The following TTN variants were observed in gnomAD, a reference collection of about 807,000 sequenced individuals.
TTN encodes titin, also known as connectin.
In TTN, 1,525 loss-of-function variants were observed where a neutral mutation model predicts 3,223.0. That is an observed-to-expected ratio of 0.47 (90% CI 0.45 to 0.49). The LOEUF is 0.49. TTN is among the 20% of genes least tolerant of loss of function. The pLI, the probability that TTN is intolerant of heterozygous loss-of-function variation, is 0.00. For missense variants in TTN, 40,786 were observed against 43,424.0 expected (o/e 0.94, Z 5.40); for synonymous variants, 14,094 against 15,161.0 (o/e 0.93, Z 5.17).
intron 20 of TTN, 118 bp downstream of exon 20, chr2:178,782,094 A>T (rs1328449012): frequency 8.3e-7 from 1 of 1,200,238 alleles, no homozygotes; most frequent in African/African-American, 1.5e-5. Context: ...ACAAACTAAG[A>T]AGGCTCCACA....
At position 178,539,679 on chromosome 2, in the gene TTN, G is replaced by C. The variant is rs1693423139; in HGVS notation, c.98386C>G (p.Pro32796Ala). The change falls in exon 352 of 363, where the codon CCC (proline) becomes GCC (alanine). Residue 32796 changes from proline (P) to alanine (A), a missense_variant. By Grantham distance (27) the Pro-to-Ala change is conservative (BLOSUM62 -1). Coordinates refer to ENST00000589042, the MANE Select transcript of TTN (RefSeq NM_001267550.2). ...VYIKVRVIGS[P>A]NSPEGPLEYD... ...TCCAGTGGCCCTTCTGGACTGTTGG[G>C]ACTTCCTATCACCCTGACCTTGATG... 1 of 1,613,620 alleles carries C rather than the reference G, an allele frequency of 6.2e-7. No homozygotes were observed.
chr2:178,621,385 A>T lies in TTN; in HGVS notation c.45350-17T>A, dbSNP rs545355534. On this transcript the variant is annotated splice_polypyrimidine_tract_variant and intron_variant, in intron 245 of 362. Coordinates refer to ENST00000589042, the MANE Select transcript of TTN (RefSeq NM_001267550.2). ...CAGCCAGTTCTGGGAAGAAAAAGTTACAAGATATTAGAAACATATGTCTTT... is the reference window on the plus strand; with the variant it reads ...CAGCCAGTTCTGGGAAGAAAAAGTTTCAAGATATTAGAAACATATGTCTTT... 2.5e-6 allele frequency: 4 copies of T among 1,606,708 alleles called. No homozygotes were observed. In the East Asian group the frequency reaches 9.0e-5, roughly 36 times the overall value.
rs1553781387 is a variant in TTN, at chr2:178,658,759, C to T, written c.37489G>A (p.Glu12497Lys). 1 of 1,582,602 alleles carries T rather than the reference C, an allele frequency of 6.3e-7. No individual in the cohort carries two copies. Among genetic ancestry groups the T allele is most frequent in the Non-Finnish European group, 8.6e-7 (1 of 1,158,762 alleles). ...GCAGGAGGCACCGGTACTTTCTTTT[C>T]TGGGACCACTTCCTTCGGTGGCAGC... is the stretch of plus-strand genomic sequence containing the variant. ...EVLPPKEVVP[E>K]KKVPVPPAKK... The change falls in exon 183 of 363, where the codon GAA becomes AAA. Residue 12497 changes from glutamate (E) to lysine (K), a missense_variant. Glu to Lys is a moderately conservative substitution (Grantham distance 56). Coordinates refer to ENST00000589042, the MANE Select transcript of TTN (RefSeq NM_001267550.2).
rs2083623616 is a variant in TTN, at chr2:178,746,576, T to C, written c.11312-4655A>G. ...TGGTAGTGCCACCACTCTTTCTTCC[T>C]GGGGCATTATGTCTACATTTGCAAA... On this transcript the variant is annotated intron_variant, in intron 47 of 362. Coordinates refer to ENST00000589042, the MANE Select transcript of TTN (RefSeq NM_001267550.2). The C allele has an allele frequency of 2.5e-6, 4 of 1,613,264 alleles. No homozygotes were observed. Among genetic ancestry groups the C allele is most frequent in the Non-Finnish European group, 2.5e-6 (3 of 1,179,566 alleles).
In TTN at chr2:178,640,631, C is replaced by T. The variant is rs749062863; in HGVS notation, c.40634-1G>A. The T allele has an allele frequency of 4.5e-6, 7 of 1,568,710 alleles. No homozygotes were observed. The South Asian group carries it at 7.1e-5, about 16-fold the overall frequency. ...GGTTTTGGAGGTGGTGGTTCTGGTA[C>T]TTTAAGATAAGATTATTTTTTCAGT... On this transcript the variant is annotated splice_acceptor_variant, in intron 220 of 362. Coordinates refer to ENST00000589042, the MANE Select transcript of TTN (RefSeq NM_001267550.2). LOFTEE classifies it high-confidence loss of function.
chr2:178,593,612 C>T lies in TTN; in HGVS notation c.58688G>A (p.Ser19563Asn), dbSNP rs759628569. 1.8e-5 allele frequency: 29 copies of T among 1,612,746 alleles called. No individual in the cohort carries two copies. Among genetic ancestry groups the T allele is most frequent in the Non-Finnish European group, 2.2e-5 (26 of 1,179,498 alleles). The part of the protein sequence containing the change: ...RIHAENLYGI[S>N]DPLVSDSMKA... ...CATTGAATCAGACACCAGAGGATCACTTATTCCATACAGATTTTCAGCATG... is the reference window on the plus strand; with the variant it reads ...CATTGAATCAGACACCAGAGGATCATTTATTCCATACAGATTTTCAGCATG... The change falls in exon 298 of 363, where the codon AGT (serine) becomes AAT (asparagine). Residue 19563 changes from serine (S) to asparagine (N), a missense_variant. Ser to Asn is a conservative substitution (Grantham distance 46, BLOSUM62 1). Coordinates refer to ENST00000589042, the MANE Select transcript of TTN (RefSeq NM_001267550.2).
intron 96 of TTN, 83 bp downstream of exon 96, chr2:178,711,861 C>T: frequency 6.8e-7 from 1 of 1,479,046 alleles, no homozygotes; most frequent in Non-Finnish European, 9.0e-7. Flanking sequence ...GAAAGATTTT[C>T]CTAAAAAATA....
chr2:178,612,214 T>C, intron 266 of TTN, 52 bp from the exon 267 acceptor site: 2 of 1,604,518 alleles, frequency 1.2e-6, no homozygotes, highest in Non-Finnish European at 1.7e-6. Flanking sequence ...GGTGATAATC[T>C]CCTGTCACAA....
chr2:178,666,141 C>T (rs2065889817), intron 163 of TTN, among the ~76,000 whole-genome samples: 1 of 151,990 alleles, frequency 6.6e-6, no homozygotes, highest in South Asian at 2.1e-4. Context: ...TTTTTGTATT[C>T]ACACCTCAGG....
chr2:178,651,606 G>C, intron 206 of TTN, 60 bp downstream of exon 206: 1 of 1,611,782 alleles, frequency 6.2e-7, no homozygotes, highest in Non-Finnish European at 8.5e-7. Context: ...AAGCAGAACA[G>C]TAGAATATGA....
intron 1 of TTN, among the ~76,000 whole-genome samples, chr2:178,805,343 CA>C (rs34870064): frequency 0.36 from 32,374 of 89,844 alleles, 3,251 homozygotes; most frequent in Middle Eastern, 0.47. Context: ...GACTCTGTCT[CA>C]AAAAAAAAAA....
rs771533917 is a variant in TTN, at chr2:178,720,631, C to A, written c.23131G>T (p.Val7711Leu). 5 of 1,604,144 alleles carry A rather than the reference C, an allele frequency of 3.1e-6. No individual in the cohort carries two copies. Among genetic ancestry groups the A allele is most frequent in the African/African-American group, 1.3e-5 (1 of 74,400 alleles). ...PPVFTQKPSP[V>L]GALKGSDVIL... is the part of the protein sequence containing the mutation. ...ACATCAGAACCTTTAAGAGCTCCTA[C>A]TGGAGAAGGCTTCTGGGTGAAAACA... Residue 7711 changes from valine to leucine, a missense_variant, in exon 80 of 363, where the codon GTA (valine) becomes TTA (leucine). Transcript: ENST00000589042.
chr2:178,534,588 C>T lies in TTN; in HGVS notation c.102027G>A (p.Leu34009=). 6.2e-7 allele frequency: 1 copy of T among 1,613,868 alleles called. No homozygotes were observed. Among genetic ancestry groups the T allele is most frequent in the Non-Finnish European group, 8.5e-7 (1 of 1,179,808 alleles). ...WSLGTLVYVL[L]SGINPFLAET... is the part of the protein sequence containing the mutation. ...CAGCCAGGAATGGGTTGATACCACT[C>T]AATAGCACATATACCAGTGTTCCAA... Residue 34009 remains leucine (L), a synonymous_variant, in exon 358 of 363, where the codon TTG becomes TTA. Transcript: ENST00000589042.
chr2:178,733,497 G>A lies in TTN; in HGVS notation c.15796C>T (p.Arg5266Ter), dbSNP rs372277017. ...GCTGTCACCTGGATCAGTTCTGCTC[G>A]CTCAATGATTTTGGCAGGTTCTACA... ...IVKEPAKIIE[R>*]AELIQVTAGD... Residue 5266 changes from arginine (R) to a stop codon, truncating the protein, a stop_gained, in exon 54 of 363, where the codon CGA becomes TGA. Transcript: ENST00000589042. LOFTEE classifies it high-confidence loss of function. 7.5e-6 allele frequency: 12 copies of A among 1,610,296 alleles called. No individual in the cohort carries two copies. The highest frequency in any genetic ancestry group is 1.3e-5 in the African/African-American group (1 of 74,716).
chr2:178,740,863 T>G lies in TTN; in HGVS notation c.12370A>C (p.Thr4124Pro). The change falls in exon 48 of 363, where the codon ACT becomes CCT. Residue 4124 changes from threonine to proline, a missense_variant. By Grantham distance (38) the Thr-to-Pro change is conservative (BLOSUM62 -1). Transcript: ENST00000589042. ...LQSILEQDKL[T>P]PESTREFLCI... ...AGAAATTCCCTGGTGCTTTCAGGAG[T>G]GAGCTTGTCTTGCTCCAAAATGGAT... 6.2e-7 allele frequency: 1 copy of G among 1,613,900 alleles called. No homozygotes were observed. Among genetic ancestry groups the G allele is most frequent in the Non-Finnish European group, 8.5e-7 (1 of 1,179,818 alleles).
Position 178,757,651 on chromosome 2 carries a change from T to TA in TTN, c.10568dup (p.Leu3523PhefsTer6). 1 of 1,613,822 alleles carries TA rather than the reference T, an allele frequency of 6.2e-7. No individual in the cohort carries two copies. The highest frequency in any genetic ancestry group is 8.5e-7 in the Non-Finnish European group (1 of 1,179,752). On this transcript the variant is annotated frameshift_variant, in exon 45 of 363. Coordinates refer to ENST00000589042, the MANE Select transcript of TTN (RefSeq NM_001267550.2). LOFTEE classifies it high-confidence loss of function. ...CTGAGTAAGCATCAACTATAAGCAT[T>TA]AAAGCCATGCCTGTGGACTCCTCAA...
chr2:178,603,777 T>C, intron 282 of TTN, 99 bp downstream of exon 282: 2 of 1,161,654 alleles, frequency 1.7e-6, no homozygotes, highest in East Asian at 2.6e-5. Context: ...ATAAATAAAA[T>C]AATTTGGCAT....
At position 178,590,943 on chromosome 2, in the gene TTN, G is replaced by A. The variant is rs555901678; in HGVS notation, c.60782C>T (p.Thr20261Ile). Reference protein sequence around the residue: ...KIGVGPPLDSTPTVAKHKFSP... With the variant: ...KIGVGPPLDSIPTVAKHKFSP... ...AAATTTATGCTTAGCAACAGTAGGT[G>A]TGGAGTCAAGGGGAGGACCAACACC... Residue 20261 changes from threonine (T) to isoleucine (I), a missense_variant, in exon 304 of 363, where the codon ACA becomes ATA. Thr to Ile is a moderately conservative substitution (Grantham distance 89, BLOSUM62 -1). Transcript: ENST00000589042. The A allele has an allele frequency of 1.7e-5, 28 of 1,613,274 alleles. No individual in the cohort carries two copies. In the African/African-American group the frequency reaches 1.9e-4, roughly 11 times the overall value.
chr2:178,594,003 T>A lies in TTN; in HGVS notation c.58390A>T (p.Ser19464Cys). The A allele has an allele frequency of 3.1e-6, 5 of 1,613,604 alleles. No individual in the cohort carries two copies. Among genetic ancestry groups the A allele is most frequent in the Non-Finnish European group, 4.2e-6 (5 of 1,179,656 alleles). The change falls in exon 297 of 363, where the codon AGT (serine) becomes TGT (cysteine). Residue 19464 changes from serine to cysteine, a missense_variant. By Grantham distance (112) the Ser-to-Cys change is moderately radical. Transcript: ENST00000589042. ...CAGAAACCTTTCCTAGAGCCTGTAC[T>A]GTTCTCCACAACCACACAGTATTTG... is the stretch of plus-strand genomic sequence containing the variant. ...SGKYCVVVEN[S>C]TGSRKGFCQV...
Sources: allele counts gnomAD v4.1 joint callset (sites outside exome capture counted in the v4.1 genomes callset), GRCh38; gene constraint gnomAD v4.1.1; transcripts MANE v1.5; gene names NCBI Gene and HGNC (gene_info 2026-07-23, HGNC 2026-07-21).